SHROOM3: variants seen among roughly 807,000 people sequenced by gnomAD.
The protein encoded by SHROOM3 is protein Shroom3.
Under a neutral mutation model 138.6 loss-of-function variants are expected in SHROOM3, and 47 were observed. The ratio of observed to expected loss-of-function variants is 0.34; its 90% CI spans 0.27 to 0.43. The LOEUF (loss-of-function observed/expected upper bound fraction) is 0.43. Among genes scored for constraint, SHROOM3 ranks in the 20% least tolerant of loss-of-function variants. SHROOM3 has a pLI of 1.00. For missense variants in SHROOM3, 2,491 were observed against 2,596.5 expected, an observed-to-expected ratio of 0.96 and a Z score of 0.88; for synonymous variants, 1,062 against 1,063.3, an observed-to-expected ratio of 1.00 and a Z score of 0.02.
chr4:76,565,112 GATTGCACC>G (rs1363024892), intron 2 of SHROOM3, among the ~76,000 whole-genome samples: 5 of 140,810 alleles, frequency 3.6e-5, no homozygotes, highest in Admixed American at 1.5e-4. Context: ...AGTGAGCTGA[GATTGCACC>G]ATTGCACTCC....
chr4:76,633,861 C>T (rs534645554), intron 2 of SHROOM3, among the ~76,000 whole-genome samples: 3 of 152,154 alleles, frequency 2.0e-5, no homozygotes, highest in South Asian at 4.2e-4. Flanking sequence ...AATATGCTAT[C>T]CTTTAATACC....
intron 1 of SHROOM3, among the ~76,000 whole-genome samples, chr4:76,498,440 G>A (rs1732014642): frequency 6.6e-6 from 1 of 152,092 alleles, no homozygotes; most frequent in Admixed American, 6.5e-5. Context: ...ATAAATGGAT[G>A]ATGATAGGAG....
intron 2 of SHROOM3, among the ~76,000 whole-genome samples, chr4:76,579,463 G>A (rs1489458083): frequency 6.6e-6 from 1 of 152,230 alleles, no homozygotes; most frequent in East Asian, 1.9e-4. Flanking sequence ...GTGAGACTCT[G>A]TCTCAAAAAT....
At chr4:76,597,380 C>G (rs965401822) in intron 2 of SHROOM3, among the ~76,000 whole-genome samples, 1 of 151,986 alleles carries the variant, frequency 6.6e-6, no homozygotes, top group Admixed American at 6.6e-5. Context: ...CAATTGGACT[C>G]ATGAGAAAAA....
At chr4:76,756,417 CTT>C (rs76738924) in intron 7 of SHROOM3, 30 bp from the exon 8 acceptor site, 3,432 of 1,240,084 alleles carry the variant, frequency 2.8e-3, no homozygotes, top group Middle Eastern at 3.8e-3. Flanking sequence ...CTCTCTCTCT[CTT>C]TTTTTTTTTT....
intron 2 of SHROOM3, among the ~76,000 whole-genome samples, chr4:76,695,181 G>C (rs1719688299): frequency 3.3e-5 from 5 of 152,166 alleles, no homozygotes; most frequent in Admixed American, 3.3e-4. Flanking sequence ...TTGTAGGAAA[G>C]GCTCTAATGA....
At chr4:76,761,795 A>T (rs1431056078) in intron 9 of SHROOM3, among the ~76,000 whole-genome samples, 1 of 152,224 alleles carries the variant, frequency 6.6e-6, no homozygotes, top group Non-Finnish European at 1.5e-5. Flanking sequence ...TGGGGGAGTC[A>T]CGGGCTTAGG....
At chr4:76,504,163 A>T (rs7668296) in intron 1 of SHROOM3, among the ~76,000 whole-genome samples, 19,657 of 149,396 alleles carry the variant, frequency 0.13, 1,572 homozygotes, top group East Asian at 0.23. Context: ...TCTCAAAAAA[A>T]TTTTTTTTTT....
intron 2 of SHROOM3, among the ~76,000 whole-genome samples, chr4:76,667,689 T>C (rs1718735282): frequency 6.6e-6 from 1 of 151,704 alleles, no homozygotes; most frequent in Admixed American, 6.6e-5. Flanking sequence ...AAATTGTTGC[T>C]TGGGCGCGGT....
chr4:76,586,300 C>T (rs1260135758), intron 2 of SHROOM3: 18 of 985,530 alleles, frequency 1.8e-5, no homozygotes, highest in Non-Finnish European at 2.2e-5. Flanking sequence ...CTGTCTTCCT[C>T]GGGCTGGCTC....
chr4:76,598,965 G>T (rs1046928352), intron 2 of SHROOM3, among the ~76,000 whole-genome samples: 2 of 152,064 alleles, frequency 1.3e-5, no homozygotes, highest in Non-Finnish European at 2.9e-5. Flanking sequence ...AAATAATGGG[G>T]GCCTGAATGA....
chr4:76,472,320 A>T (rs1303450943), intron 1 of SHROOM3, among the ~76,000 whole-genome samples: 1 of 152,234 alleles, frequency 6.6e-6, no homozygotes, highest in Non-Finnish European at 1.5e-5. Flanking sequence ...CTGACTTTTC[A>T]TTCTTTATTA....
At chr4:76,565,221 G>A (rs1344309636) in intron 2 of SHROOM3, among the ~76,000 whole-genome samples, 4 of 149,820 alleles carry the variant, frequency 2.7e-5, no homozygotes, top group African/African-American at 9.8e-5. Context: ...TTTAGGATAT[G>A]AGGTCTGAGT....
rs180902712 is a variant in SHROOM3 at position 76,670,680 on chromosome 4, G to T, written c.324-39476G>T. Among the ~76,000 whole-genome samples, 3 of 152,316 alleles carry T rather than the reference G, an allele frequency of 2.0e-5. No individual in the cohort carries two copies. In the East Asian group the frequency reaches 5.8e-4, roughly 29 times the overall value. ...ATCAAGAAAGAGATTTTGGCTAGGT[G>T]CAGTGGCACATGCCTGTAATCCTAG... On this transcript the variant is annotated intron_variant, in intron 2 of 10. Transcript: ENST00000296043.
chr4:76,674,126 T>C (rs1718959810), intron 2 of SHROOM3, among the ~76,000 whole-genome samples: 1 of 151,984 alleles, frequency 6.6e-6, no homozygotes, highest in South Asian at 2.1e-4. Flanking sequence ...CTCCCACCTC[T>C]ACTTCCCAAA....
At chr4:76,599,680 T>C (rs567470622) in intron 2 of SHROOM3, among the ~76,000 whole-genome samples, 3 of 152,316 alleles carry the variant, frequency 2.0e-5, no homozygotes, top group Admixed American at 1.3e-4. Context: ...TCACCATCTG[T>C]CACTTTGGGC....
chr4:76,623,178 C>CCTTTT (rs897813092), intron 2 of SHROOM3, among the ~76,000 whole-genome samples: 3 of 152,150 alleles, frequency 2.0e-5, no homozygotes, highest in African/African-American at 4.8e-5. Flanking sequence ...TTGGTCTTTT[C>CCTTTT]CTTTTCTTTT....
chr4:76,481,905 A>C (rs1731621290), intron 1 of SHROOM3, among the ~76,000 whole-genome samples: 1 of 152,196 alleles, frequency 6.6e-6, no homozygotes. Context: ...GACAAAAACC[A>C]CATGATTATT....
At chr4:76,647,993 A>AT (rs1735864045) in intron 2 of SHROOM3, among the ~76,000 whole-genome samples, 3 of 152,148 alleles carry the variant, frequency 2.0e-5, no homozygotes, top group Admixed American at 6.6e-5. Flanking sequence ...TTATAATAAT[A>AT]TTTATCCATG....
Sources: allele counts gnomAD v4.1 joint callset (sites outside exome capture counted in the v4.1 genomes callset), GRCh38; gene constraint gnomAD v4.1.1; transcripts MANE v1.5; gene names NCBI Gene and HGNC (gene_info 2026-07-23, HGNC 2026-07-21).